The following MSRB3 variants were observed in gnomAD, a reference collection of about 807,000 sequenced individuals.
MSRB3 encodes methionine-R-sulfoxide reductase B3.
In MSRB3, 13 loss-of-function variants were observed where a neutral mutation model predicts 21.0. The ratio of observed to expected loss-of-function variants is 0.62; its 90% CI spans 0.40 to 0.98. The LOEUF (loss-of-function observed/expected upper bound fraction) is 0.98. MSRB3 is among the 50% of genes least tolerant of loss of function. The pLI, the probability that MSRB3 is intolerant of heterozygous loss-of-function variation, is 0.00. For synonymous variants in MSRB3, 87 were observed against 88.6 expected (o/e 0.98, Z 0.10); for missense variants, 199 against 230.3 (o/e 0.86, Z 0.88).
At chr12:65,433,714 A>G (rs1235174615) in intron 5 of MSRB3, among the ~76,000 whole-genome samples, 1 of 151,870 alleles carries the variant, frequency 6.6e-6, no homozygotes, top group Non-Finnish European at 1.5e-5. Context: ...ATTTTGTTTC[A>G]TTTAGTTTCT....
chr12:65,318,908 A>G (rs1874482441), intron 2 of MSRB3, among the ~76,000 whole-genome samples: 2 of 152,172 alleles, frequency 1.3e-5, no homozygotes, highest in African/African-American at 2.4e-5. Flanking sequence ...AAAAATTTAT[A>G]ACACAAATGA....
intron 6 of MSRB3, among the ~76,000 whole-genome samples, chr12:65,455,838 G>A (rs1883065509): frequency 6.6e-6 from 1 of 152,210 alleles, no homozygotes; most frequent in East Asian, 1.9e-4. Context: ...CCGAGCTCAA[G>A]CAATCCTCTC....
chr12:65,365,214 C>G (rs974595941), intron 4 of MSRB3, among the ~76,000 whole-genome samples: 1 of 152,026 alleles, frequency 6.6e-6, no homozygotes, highest in Admixed American at 6.6e-5. Context: ...TCTTAAGTCT[C>G]AGGTGCTGCA....
intron 5 of MSRB3, among the ~76,000 whole-genome samples, chr12:65,414,072 C>T (rs1399540712): frequency 6.6e-6 from 1 of 152,040 alleles, no homozygotes; most frequent in Non-Finnish European, 1.5e-5. Flanking sequence ...AGGTCAGGTC[C>T]TGTAGGGCAT....
chr12:65,297,159 G>A (rs370961335), intron 1 of MSRB3, among the ~76,000 whole-genome samples: 186 of 152,170 alleles, frequency 1.2e-3, no homozygotes, highest in African/African-American at 4.3e-3. Context: ...TATAAGTGGG[G>A]GCTGAACAAT....
chr12:65,462,609 T>C (rs558483210), intron 6 of MSRB3, among the ~76,000 whole-genome samples: 1 of 152,318 alleles, frequency 6.6e-6, no homozygotes, highest in East Asian at 1.9e-4. Flanking sequence ...GCAGCCCTGG[T>C]GACTGTGACA....
chr12:65,443,618 G>T (rs550812655), intron 5 of MSRB3, among the ~76,000 whole-genome samples: 5 of 152,086 alleles, frequency 3.3e-5, no homozygotes, highest in Admixed American at 6.6e-5. Flanking sequence ...GGAGCTCACT[G>T]ATTCAGTTCC....
chr12:65,422,407 TA>T (rs1881357671), intron 5 of MSRB3, among the ~76,000 whole-genome samples: 10 of 35,794 alleles, frequency 2.8e-4, no homozygotes, highest in Non-Finnish European at 4.3e-4. Flanking sequence ...TATATATATA[TA>T]TATATATATA....
intron 4 of MSRB3, among the ~76,000 whole-genome samples, chr12:65,330,685 A>G (rs1875355135): frequency 6.6e-6 from 1 of 152,146 alleles, no homozygotes; most frequent in African/African-American, 2.4e-5. Flanking sequence ...CTGGGGTACA[A>G]TCTCCAGGGC....
intron 5 of MSRB3, among the ~76,000 whole-genome samples, chr12:65,409,819 A>G (rs1177018126): frequency 6.6e-6 from 1 of 152,108 alleles, no homozygotes; most frequent in East Asian, 1.9e-4. Context: ...CATCTACTTG[A>G]GCTTTATATT....
At chr12:65,414,994 A>G (rs1880898981) in intron 5 of MSRB3, among the ~76,000 whole-genome samples, 1 of 152,182 alleles carries the variant, frequency 6.6e-6, no homozygotes, top group African/African-American at 2.4e-5. Flanking sequence ...TTTGAGAGTC[A>G]TAAGATATAC....
At chr12:65,324,522 A>G (rs1310396758) in intron 2 of MSRB3, among the ~76,000 whole-genome samples, 3 of 152,168 alleles carry the variant, frequency 2.0e-5, no homozygotes, top group Non-Finnish European at 4.4e-5. Context: ...TAAAGCTTTT[A>G]TGTTTGTATT....
rs535115476 is a variant in MSRB3, at chr12:65,392,874, G to A, written c.292+23848G>A. 1.6e-3 allele frequency among the ~76,000 whole-genome samples: 245 copies of A among 152,162 alleles called. 8 individuals are homozygous for A. The South Asian group carries it at 0.049, about 30-fold the overall frequency. ...CAGAAAGAGTTCTATTATTCAGTAA[G>A]GCTTGTTAATTATATTATTTATATT... On this transcript the variant is annotated intron_variant, in intron 5 of 6. Transcript: ENST00000308259.
intron 5 of MSRB3, among the ~76,000 whole-genome samples, chr12:65,424,514 T>C (rs1366464807): frequency 6.6e-6 from 1 of 152,098 alleles, no homozygotes; most frequent in Non-Finnish European, 1.5e-5. Context: ...GTGTTTCTAT[T>C]TTTGTGTATT....
At chr12:65,413,354 C>A (rs1389943557) in intron 5 of MSRB3, among the ~76,000 whole-genome samples, 1 of 152,148 alleles carries the variant, frequency 6.6e-6, no homozygotes. Context: ...GTCATAAATA[C>A]TCTTGAGGTC....
At chr12:65,340,466 T>G (rs1320322646) in intron 4 of MSRB3, among the ~76,000 whole-genome samples, 1 of 151,986 alleles carries the variant, frequency 6.6e-6, no homozygotes, top group Non-Finnish European at 1.5e-5. Flanking sequence ...ACTCACAAAC[T>G]TAGAAAAAAA....
At position 65,351,009 on chromosome 12, in the gene MSRB3, A is replaced by AT. The variant is rs1251165967; in HGVS notation, c.264-17982dup. Among the ~76,000 whole-genome samples the AT allele has an allele frequency of 2.4e-3, 363 of 151,190 alleles. 1 individual carries two copies. Among genetic ancestry groups the AT allele is most frequent in the African/African-American group, 8.4e-3 (346 of 41,008 alleles). ...TCCACCCCAAATCAACAGAATATAC[A>AT]TTTTTTTCAGCACCACACCACGCCT... On this transcript the variant is annotated intron_variant, in intron 4 of 6. Transcript: ENST00000308259.
intron 4 of MSRB3, among the ~76,000 whole-genome samples, chr12:65,341,667 A>G (rs1049366008): frequency 6.6e-6 from 1 of 152,052 alleles, no homozygotes; most frequent in African/African-American, 2.4e-5. Flanking sequence ...TAGGTAACCC[A>G]TAAGTATATA....
At chr12:65,298,852 A>G (rs1038856516) in intron 1 of MSRB3, among the ~76,000 whole-genome samples, 3 of 152,180 alleles carry the variant, frequency 2.0e-5, no homozygotes, top group African/African-American at 7.2e-5. Context: ...TAAGGCTTAT[A>G]TTTAGCTCAC....
Sources: allele counts gnomAD v4.1 joint callset (sites outside exome capture counted in the v4.1 genomes callset), GRCh38; gene constraint gnomAD v4.1.1; transcripts MANE v1.5; gene names NCBI Gene and HGNC (gene_info 2026-07-23, HGNC 2026-07-21).